Variants in IFT22 observed in about 807,000 individuals in gnomAD.
IFT22 encodes intraflagellar transport protein 22 homolog.
A neutral mutation model predicts 21.0 loss-of-function variants in IFT22; 13 were observed. The ratio of observed to expected loss-of-function variants is 0.62; its 90% confidence interval spans 0.40 to 0.98. The LOEUF is 0.98. IFT22 is among the 50% of genes least tolerant of loss of function. The pLI, the probability that IFT22 is intolerant of heterozygous loss-of-function variation, is 0.00. For missense variants in IFT22, 227 were observed against 228.9 expected (o/e 0.99, Z 0.06); for synonymous variants, 67 against 82.4 (o/e 0.81, Z 1.01).
rs1230733323 is a variant in IFT22 at position 101,321,727 on chromosome 7, T to C, written c.-18A>G. 3 of 1,590,160 alleles carry C rather than the reference T, an allele frequency of 1.9e-6. No individual in the cohort carries two copies. Among genetic ancestry groups the C allele is most frequent in the African/African-American group, 1.3e-5 (1 of 74,276 alleles). ...TTCAGCATAGTTGTCCGCCGCGGCTTAGCCGGCCGGAGCCCACGGGAGGCG... is the reference window on the plus strand; with the variant it reads ...TTCAGCATAGTTGTCCGCCGCGGCTCAGCCGGCCGGAGCCCACGGGAGGCG... On this transcript the variant is annotated 5_prime_UTR_variant, in exon 1 of 5. Coordinates refer to ENST00000315322, the MANE Select transcript of IFT22 (RefSeq NM_022777.4).
intron 3 of IFT22, among the ~76,000 whole-genome samples, chr7:101,316,963 CT>C (rs879614707): frequency 9.0e-4 from 131 of 145,470 alleles, no homozygotes; most frequent in Admixed American, 1.0e-3. Flanking sequence ...TGGGGGATGA[CT>C]TTTTTTTTTT....
chr7:101,319,850 G>T (rs1427140950), intron 1 of IFT22, among the ~76,000 whole-genome samples: 1 of 151,764 alleles, frequency 6.6e-6, no homozygotes, highest in East Asian at 1.9e-4. Context: ...TCCCTATGTT[G>T]CCCAGGCTGG....
intron 4 of IFT22, 178 bp from the exon 5 acceptor site, chr7:101,315,460 A>G: frequency 1.6e-6 from 1 of 636,370 alleles, no homozygotes; most frequent in East Asian, 2.8e-5. Flanking sequence ...CAGGATGAAA[A>G]CCTTACAAAC....
At chr7:101,318,896 G>C (rs964212242) in intron 2 of IFT22, 60 bp downstream of exon 2, 24 of 1,364,310 alleles carry the variant, frequency 1.8e-5, no homozygotes, top group Non-Finnish European at 2.4e-5. Context: ...GGGATTAGAG[G>C]AATGAGCCTC....
chr7:101,314,952 TC>T lies in IFT22; in HGVS notation c.*181del. The T allele has an allele frequency of 1.6e-6, 1 of 611,776 alleles. No homozygotes were observed. The highest frequency in any genetic ancestry group is 2.8e-6 in the Non-Finnish European group (1 of 363,376). The allele number at this position is 611,776 out of a possible 1,614,324, so 37.9% of individuals were successfully genotyped here. A position where few individuals can be genotyped will look rare whatever the true frequency, so the allele number is the denominator to read the frequency against. ...GATAATAGGATTTTCTCAACTGAAC[TC>T]AGGGCAGAGCACAGATGGTCTGAGT... On this transcript the variant is annotated 3_prime_UTR_variant, in exon 5 of 5. Transcript: ENST00000315322.
chr7:101,316,545 G>T lies in IFT22; in HGVS notation c.207-3C>A, dbSNP rs763040412. The T allele has an allele frequency of 1.9e-6, 3 of 1,613,790 alleles. No individual in the cohort carries two copies. The highest frequency in any genetic ancestry group is 2.5e-6 in the Non-Finnish European group (3 of 1,179,762). On this transcript the variant is annotated splice_polypyrimidine_tract_variant and splice_region_variant and intron_variant, in intron 3 of 4. Coordinates refer to ENST00000315322, the MANE Select transcript of IFT22 (RefSeq NM_022777.4). ...GGGCCGGCCAGCAGGACTCAAACCT[G>T]CGAGGAAGAAAAGGAACAACAGGGA...
In IFT22 at chr7:101,315,180, G is replaced by T; in HGVS notation, c.512C>A (p.Ser171Tyr). The change falls in exon 5 of 5, where the codon TCC becomes TAC. Residue 171 changes from serine (S) to tyrosine (Y), a missense_variant. Ser to Tyr is a moderately radical substitution (Grantham distance 144, BLOSUM62 -2). Transcript: ENST00000315322. ...CTCCCTGTCTCTGCTCTCAGACATG[G>T]AGTTGATTATGCTTTTTAAATACTT... ...FIKYLKSIIN[S>Y]MSESRDREEM... The T allele has an allele frequency of 6.2e-7, 1 of 1,613,998 alleles. No homozygotes were observed. Among genetic ancestry groups the T allele is most frequent in the Non-Finnish European group, 8.5e-7 (1 of 1,179,988 alleles).
At position 101,311,854 on chromosome 7, in the gene IFT22, A is replaced by C. The variant is rs1272954187; in HGVS notation, c.*3280T>G. 1.3e-5 allele frequency among the ~76,000 whole-genome samples: 2 copies of C among 152,046 alleles called. No individual in the cohort carries two copies. The highest frequency in any genetic ancestry group is 2.9e-5 in the Non-Finnish European group (2 of 68,014). ...GTGAAACCGTCTCTACTAAAAATACAAAAATTAGCCGGGTGCAGTGGCAGG... is the reference window on the plus strand; with the variant it reads ...GTGAAACCGTCTCTACTAAAAATACCAAAATTAGCCGGGTGCAGTGGCAGG... On this transcript the variant is annotated 3_prime_UTR_variant, in exon 5 of 5. Transcript: ENST00000315322.
rs1394592338 is a variant in IFT22 at position 101,311,069 on chromosome 7, C to CT, written c.*4064dup. The CT allele has an allele frequency of 4.1e-6, 1 of 244,652 alleles. No individual in the cohort carries two copies. The highest frequency in any genetic ancestry group is 8.2e-6 in the Non-Finnish European group (1 of 121,328). 15.2% of individuals were successfully genotyped at this position (244,652 alleles called of 1,614,324 possible). On this transcript the variant is annotated 3_prime_UTR_variant, in exon 5 of 5. Transcript: ENST00000315322. The stretch of plus-strand genomic sequence containing the variant: ...AGTGCAGTGGCGGGACCTCGGCTCA[C>CT]TGCAAGCTCCGCCTCCCAGGTTCAC...
rs1169597789 is a variant in IFT22 at position 101,316,471 on chromosome 7, G to A, written c.278C>T (p.Pro93Leu). ...GVVIVFNADIPSHRKEMEMWY... is the reference protein window; with the variant it reads ...GVVIVFNADILSHRKEMEMWY... ...CATCTCCATTTCCTTCCGGTGGCTTGGGATGTCAGCATTGAAGACGATCAC... is the reference window on the plus strand; with the variant it reads ...CATCTCCATTTCCTTCCGGTGGCTTAGGATGTCAGCATTGAAGACGATCAC... The change falls in exon 4 of 5, where the codon CCA becomes CTA. Residue 93 changes from proline to leucine, a missense_variant. Coordinates refer to ENST00000315322, the MANE Select transcript of IFT22 (RefSeq NM_022777.4). 6.2e-7 allele frequency: 1 copy of A among 1,614,122 alleles called. No individual in the cohort carries two copies. Among genetic ancestry groups the A allele is most frequent in the Non-Finnish European group, 8.5e-7 (1 of 1,180,036 alleles).
intron 1 of IFT22, among the ~76,000 whole-genome samples, chr7:101,320,664 G>A (rs1271850421): frequency 6.9e-6 from 1 of 144,506 alleles, no homozygotes; most frequent in Non-Finnish European, 1.5e-5. Context: ...CCACTACCAC[G>A]CCCCCAACAC....
Position 101,315,057 on chromosome 7 carries a change from G to C in IFT22, c.*77C>G. The C allele has an allele frequency of 6.8e-7, 1 of 1,475,328 alleles. No homozygotes were observed. The allele number at this position is 1,475,328 out of a possible 1,614,324, so 91.4% of individuals were successfully genotyped here. On this transcript the variant is annotated 3_prime_UTR_variant, in exon 5 of 5. Transcript: ENST00000315322. The stretch of plus-strand genomic sequence containing the variant: ...TCAGAGGGAGAAGAAAACATCAGGA[G>C]CTGGATGTGATTTCAGATCTGCACC...
rs1429154203 is a variant in IFT22, at chr7:101,313,704, A to G, written c.*1430T>C. 2 of 152,206 alleles carry G rather than the reference A, an allele frequency of 1.3e-5. No homozygotes were observed. Among genetic ancestry groups the G allele is most frequent in the Non-Finnish European group, 2.9e-5 (2 of 68,034 alleles). 9.4% of individuals were successfully genotyped at this position (152,206 alleles called of 1,614,324 possible). A position where few individuals can be genotyped will look rare whatever the true frequency, so the allele number is the denominator to read the frequency against. On this transcript the variant is annotated 3_prime_UTR_variant, in exon 5 of 5. Transcript: ENST00000315322. Reference sequence around the variant, plus strand: ...GTGCCACAGTATTGATTTGGGGGTTACAAACATATTTTAGTGAGTAGGCAA... The same window carrying G: ...GTGCCACAGTATTGATTTGGGGGTTGCAAACATATTTTAGTGAGTAGGCAA...
Position 101,316,409 on chromosome 7 carries a change from C to A in IFT22, c.340G>T (p.Asp114Tyr). Residue 114 changes from aspartate (D) to tyrosine (Y), a missense_variant, in exon 4 of 5, where the codon GAC (aspartate) becomes TAC (tyrosine). Transcript: ENST00000315322. ...SCFVQQPSLQ[D>Y]TQCMLIAHHK... ...TGTGCAATTAGCATACACTGTGTGT[C>A]CTGTAAGGACGGCTGTTGGACAAAG... 6.2e-7 allele frequency: 1 copy of A among 1,614,146 alleles called. No individual in the cohort carries two copies. The highest frequency in any genetic ancestry group is 1.3e-5 in the African/African-American group (1 of 75,036).
At position 101,315,067 on chromosome 7, in the gene IFT22, A is replaced by G. The variant is rs550271124; in HGVS notation, c.*67T>C. On this transcript the variant is annotated 3_prime_UTR_variant, in exon 5 of 5. Coordinates refer to ENST00000315322, the MANE Select transcript of IFT22 (RefSeq NM_022777.4). Reference sequence around the variant, plus strand: ...AAGAAAACATCAGGAGCTGGATGTGATTTCAGATCTGCACCGAGAAACATG... The same window carrying G: ...AAGAAAACATCAGGAGCTGGATGTGGTTTCAGATCTGCACCGAGAAACATG... 57 of 1,530,498 alleles carry G rather than the reference A, an allele frequency of 3.7e-5. No individual in the cohort carries two copies. The African/African-American group carries it at 7.3e-4, about 20-fold the overall frequency. 94.8% of individuals were successfully genotyped at this position (1,530,498 alleles called of 1,614,324 possible).
Position 101,311,932 on chromosome 7 carries a change from C to T in IFT22, c.*3202G>A, listed in dbSNP as rs1219605634. On this transcript the variant is annotated 3_prime_UTR_variant, in exon 5 of 5. Coordinates refer to ENST00000315322, the MANE Select transcript of IFT22 (RefSeq NM_022777.4). ...CTGAGGGAGGAGAATCAGTTGAACC[C>T]GGAGGGTGGAGATTGCAGTGAGACT... is the stretch of plus-strand genomic sequence containing the variant. Among the ~76,000 whole-genome samples, 1 of 151,940 alleles carries T rather than the reference C, an allele frequency of 6.6e-6. No homozygotes were observed. The highest frequency in any genetic ancestry group is 1.5e-5 in the Non-Finnish European group (1 of 68,004).
In IFT22 at chr7:101,312,371, T is replaced by C. The variant is rs1327798165; in HGVS notation, c.*2763A>G. Reference sequence around the variant, plus strand: ...GTGGAGCCCAGGAGATTGAGGCTGCTGTGAGCTGTGGTCATGCCACTGCAC... The same window carrying C: ...GTGGAGCCCAGGAGATTGAGGCTGCCGTGAGCTGTGGTCATGCCACTGCAC... On this transcript the variant is annotated 3_prime_UTR_variant, in exon 5 of 5. Transcript: ENST00000315322. Among the ~76,000 whole-genome samples the C allele has an allele frequency of 1.3e-5, 2 of 152,104 alleles. No homozygotes were observed. Among genetic ancestry groups the C allele is most frequent in the Non-Finnish European group, 2.9e-5 (2 of 68,024 alleles).
chr7:101,320,868 C>G (rs559409209), intron 1 of IFT22, among the ~76,000 whole-genome samples: 8 of 152,122 alleles, frequency 5.3e-5, no homozygotes, highest in African/African-American at 1.9e-4. Flanking sequence ...AAATTAAGGC[C>G]AGGCGCGGTG....
intron 4 of IFT22, 186 bp downstream of exon 4, chr7:101,316,154 A>G: frequency 1.7e-6 from 1 of 591,266 alleles, no homozygotes; most frequent in South Asian, 2.0e-5. Context: ...GCCTGCCATC[A>G]TGCCTGGCTA....
Sources: gnomAD v4.1 joint callset for allele counts (sites outside exome capture counted in the v4.1 genomes callset) on GRCh38, gnomAD v4.1.1 for gene constraint, MANE v1.5 for transcripts, NCBI Gene and HGNC (gene_info 2026-07-23, HGNC 2026-07-21) for gene names.